The following DACH2 variants were observed in gnomAD, a reference collection of about 807,000 sequenced individuals.
DACH2 encodes dachshund homolog 2.
DACH2 carries 17 observed loss-of-function variants against 35.8 expected under a neutral mutation model. The ratio of observed to expected loss-of-function variants is 0.48; its 90% CI spans 0.33 to 0.71. DACH2 has a LOEUF of 0.71. DACH2 is among the 30% of genes least tolerant of loss of function. The pLI is 0.02. For synonymous variants in DACH2, 195 were observed against 177.3 expected (o/e 1.10, Z -0.79); for missense variants, 469 against 472.7 (o/e 0.99, Z 0.07).
intron 1 of DACH2, among the ~76,000 whole-genome samples, chrX:86,294,157 A>G (rs1368133767): frequency 9.1e-6 from 1 of 110,123 alleles, no homozygotes; most frequent in African/African-American, 3.3e-5. Flanking sequence ...TTCCCTTCTC[A>G]CTTCATTTCA....
chrX:86,450,845 G>A (rs781191522), intron 2 of DACH2, among the ~76,000 whole-genome samples: 1 of 110,590 alleles, frequency 9.0e-6, no homozygotes, highest in South Asian at 3.8e-4. Flanking sequence ...TTAAAAATAT[G>A]TTTGTTGGCC....
At chrX:86,294,841 A>G (rs2034408085) in intron 1 of DACH2, among the ~76,000 whole-genome samples, 1 of 108,798 alleles carries the variant, frequency 9.2e-6, no homozygotes, top group Non-Finnish European at 1.9e-5. Context: ...AGACAGGGAC[A>G]TTTAAGTCTG....
intron 1 of DACH2, among the ~76,000 whole-genome samples, chrX:86,321,353 T>C (rs2035012851): frequency 8.9e-6 from 1 of 111,976 alleles, no homozygotes; most frequent in South Asian, 3.7e-4. Context: ...TTCTGAGGAA[T>C]GAACCTTTTC....
chrX:86,765,697 G>GGTTTTTTTTTTTTTTTTTTTTT (rs2041925733), intron 7 of DACH2, among the ~76,000 whole-genome samples: 1 of 35,230 alleles, frequency 2.8e-5, no homozygotes, highest in Non-Finnish European at 5.2e-5. Context: ...GTTGTTTTTT[G>GGTTTTTTTTTTTTTTTTTTTTT]GTTTTTTTTT....
At chrX:86,615,204 A>G (rs1207755091) in intron 3 of DACH2, among the ~76,000 whole-genome samples, 1 of 111,817 alleles carries the variant, frequency 8.9e-6, no homozygotes, top group Non-Finnish European at 1.9e-5. Flanking sequence ...AAGGAATTCA[A>G]CTTTTCCCCT....
chrX:86,748,556 A>G (rs2041738123), intron 7 of DACH2, among the ~76,000 whole-genome samples: 1 of 111,908 alleles, frequency 8.9e-6, no homozygotes, highest in Non-Finnish European at 1.9e-5. Flanking sequence ...AGGTCTCAAT[A>G]GTGGGCTTAA....
At chrX:86,233,413 A>G (rs2032991344) in intron 1 of DACH2, among the ~76,000 whole-genome samples, 1 of 112,315 alleles carries the variant, frequency 8.9e-6, no homozygotes, top group Admixed American at 9.4e-5. Flanking sequence ...AGTTATTAAC[A>G]CCAACTAGTT....
chrX:86,481,406 G>A (rs1055242776), intron 2 of DACH2: 4 of 111,231 alleles, frequency 3.6e-5, no homozygotes, highest in African/African-American at 1.3e-4. Flanking sequence ...ATTAGCATCA[G>A]GACACACTCA....
At position 86,764,806 on chromosome X, in the gene DACH2, A is replaced by G. The variant is rs7878148; in HGVS notation, c.1240+24924A>G. Among the ~76,000 whole-genome samples, 445 of 112,100 alleles carry G rather than the reference A, an allele frequency of 4.0e-3. 2 individuals are homozygous for G. The highest frequency in any genetic ancestry group is 0.014 in the African/African-American group (425 of 30,884). On this transcript the variant is annotated intron_variant, in intron 7 of 11. Coordinates refer to ENST00000373125, the MANE Select transcript of DACH2 (RefSeq NM_053281.3). ...TTTTAGTTCTTTGTGAAATCTCCAA[A>G]TTGCCTTCCACAGTGGCTGAACTAA... is the stretch of plus-strand genomic sequence containing the variant.
At chrX:86,636,458 AAACT>A (rs747262663) in intron 3 of DACH2, among the ~76,000 whole-genome samples, 2 of 111,046 alleles carry the variant, frequency 1.8e-5, no homozygotes, top group Non-Finnish European at 1.9e-5. Context: ...CAAAATAAAC[AAACT>A]AACAAACAAA....
chrX:86,278,166 G>A (rs1046289510), intron 1 of DACH2, among the ~76,000 whole-genome samples: 6 of 111,903 alleles, frequency 5.4e-5, no homozygotes, highest in African/African-American at 2.0e-4. Context: ...TTATATCTGA[G>A]AAGTATGCTC....
In DACH2 at chrX:86,471,214, TGTGA is replaced by T. The variant is rs1268871264; in HGVS notation, c.528-43062_528-43059del. On this transcript the variant is annotated intron_variant, in intron 2 of 11. Coordinates refer to ENST00000373125, the MANE Select transcript of DACH2 (RefSeq NM_053281.3). Reference sequence around the variant, plus strand: ...AGCAAAGTTAGACCACTGACAATGCTGTGAGTTTTACAAACAGAATATTTTATTT... The same window carrying T: ...AGCAAAGTTAGACCACTGACAATGCTGTTTTACAAACAGAATATTTTATTT... 2.7e-5 allele frequency among the ~76,000 whole-genome samples: 3 copies of T among 111,870 alleles called. No homozygotes were observed. The East Asian group carries it at 8.4e-4, about 31-fold the overall frequency.
At chrX:86,424,871 G>T (rs1052414317) in intron 2 of DACH2, among the ~76,000 whole-genome samples, 9 of 110,955 alleles carry the variant, frequency 8.1e-5, no homozygotes, top group Admixed American at 7.7e-4. Context: ...GTTTTTCAGG[G>T]TTTTTATCAG....
chrX:86,249,966 T>A, intron 1 of DACH2, among the ~76,000 whole-genome samples: 1 of 111,430 alleles, frequency 9.0e-6, no homozygotes, highest in Non-Finnish European at 1.9e-5. Flanking sequence ...AAGCAAATAC[T>A]ACATGTTCTC....
At chrX:86,708,296 A>T (rs949952175) in intron 5 of DACH2, among the ~76,000 whole-genome samples, 1 of 110,717 alleles carries the variant, frequency 9.0e-6, no homozygotes, top group African/African-American at 3.3e-5. Context: ...TTGGTAAAAA[A>T]TGACAAGAAA....
chrX:86,174,323 C>T (rs1049764423), intron 1 of DACH2, among the ~76,000 whole-genome samples: 8 of 109,919 alleles, frequency 7.3e-5, no homozygotes, highest in African/African-American at 2.7e-4. Flanking sequence ...ACCTGAGTCT[C>T]ACTATGTTGC....
At chrX:86,178,369 C>T (rs1047801645) in intron 1 of DACH2, among the ~76,000 whole-genome samples, 1 of 110,969 alleles carries the variant, frequency 9.0e-6, no homozygotes, top group Non-Finnish European at 1.9e-5. Context: ...TTTCTCTCTC[C>T]GAAAACTAGC....
intron 1 of DACH2, among the ~76,000 whole-genome samples, chrX:86,339,435 A>C (rs184579133): frequency 8.9e-6 from 1 of 112,401 alleles, no homozygotes; most frequent in East Asian, 2.8e-4. Flanking sequence ...TTGATTTATC[A>C]GAATAATGAT....
At chrX:86,698,675 C>T (rs1251894044) in intron 5 of DACH2, among the ~76,000 whole-genome samples, 1 of 105,876 alleles carries the variant, frequency 9.4e-6, no homozygotes, top group African/African-American at 3.5e-5. Context: ...GCTGGGACTA[C>T]AAGCATGTGC....
Sources: allele counts gnomAD v4.1 joint callset (sites outside exome capture counted in the v4.1 genomes callset), GRCh38; gene constraint gnomAD v4.1.1; transcripts MANE v1.5; gene names NCBI Gene and HGNC (gene_info 2026-07-23, HGNC 2026-07-21).